CADPS: variants seen among roughly 807,000 people sequenced by gnomAD.
CADPS encodes the protein calcium dependent secretion activator.
A neutral mutation model predicts 167.3 loss-of-function variants in CADPS; 57 were observed. The observed-to-expected ratio is 0.34, with a 90% CI of 0.28 to 0.42. The LOEUF (loss-of-function observed/expected upper bound fraction) is 0.42, where lower values mean the gene tolerates loss of function less well. Ranked by LOEUF, CADPS falls within the 20% of genes least tolerant of loss-of-function variation. CADPS has a pLI of 1.00. For missense variants in CADPS, 1,414 were observed against 1,738.1 expected, an observed-to-expected ratio of 0.81 and a Z score of 3.32; for synonymous variants, 676 against 635.3, an observed-to-expected ratio of 1.06 and a Z score of -0.96.
rs200975775 is a variant in CADPS, at chr3:62,484,062, AT to A, written c.3027-2194del. Among the ~76,000 whole-genome samples the A allele has an allele frequency of 9.5e-3, 1,448 of 152,324 alleles. 17 individuals carry two copies. The highest frequency in any genetic ancestry group is 0.033 in the African/African-American group (1,383 of 41,566). On this transcript the variant is annotated intron_variant, in intron 21 of 29. Coordinates refer to ENST00000383710, the MANE Select transcript of CADPS (RefSeq NM_003716.4). ...CATTTTGCACACAAAAATAAAAAAA[AT>A]ACTTCTATTAATCAAAACATATTGT...
At chr3:62,734,771 A>C (rs922982902) in intron 3 of CADPS, among the ~76,000 whole-genome samples, 2 of 152,184 alleles carry the variant, frequency 1.3e-5, no homozygotes, top group Non-Finnish European at 2.9e-5. Flanking sequence ...ATTCTTGTGC[A>C]TATCTTTTGG....
chr3:62,505,246 C>T (rs900503902), intron 17 of CADPS, among the ~76,000 whole-genome samples: 1 of 152,146 alleles, frequency 6.6e-6, no homozygotes, highest in Non-Finnish European at 1.5e-5. Flanking sequence ...TACTTGATCC[C>T]CTTGATTCTC....
intron 26 of CADPS, among the ~76,000 whole-genome samples, chr3:62,457,015 C>T (rs2058767234): frequency 6.6e-6 from 1 of 152,124 alleles, no homozygotes; most frequent in Non-Finnish European, 1.5e-5. Flanking sequence ...ACTCTAGACA[C>T]TAACTTCCAG....
intron 18 of CADPS, among the ~76,000 whole-genome samples, chr3:62,497,784 C>T (rs2065066464): frequency 6.6e-6 from 1 of 152,164 alleles, no homozygotes. Context: ...CTCCGGTGAG[C>T]TACTGGTTAC....
At chr3:62,518,331 TC>T in intron 13 of CADPS, 81 bp from the exon 14 acceptor site, 1 of 1,054,790 alleles carries the variant, frequency 9.5e-7, no homozygotes, top group Non-Finnish European at 1.4e-6. Flanking sequence ...GAGGAAACTG[TC>T]CATTTTAGAA....
rs1156525821 is a variant in CADPS at position 62,421,827 on chromosome 3, T to G, written c.3777+16277A>C. ...TTTTTTTGGAGTGTGCTATTGTTTGTGCTGGACTGTTAGGCTGCATGTCTC... is the reference window on the plus strand; with the variant it reads ...TTTTTTTGGAGTGTGCTATTGTTTGGGCTGGACTGTTAGGCTGCATGTCTC... On this transcript the variant is annotated intron_variant, in intron 28 of 29. Transcript: ENST00000383710. The surrounding 1 kb of genome is among the most constrained non-coding windows in gnomAD (Gnocchi z 4.7). 1.3e-5 allele frequency among the ~76,000 whole-genome samples: 2 copies of G among 152,198 alleles called. No homozygotes were observed. Among genetic ancestry groups the G allele is most frequent in the Non-Finnish European group, 2.9e-5 (2 of 68,038 alleles).
chr3:62,426,910 A>G (rs2052828120), intron 28 of CADPS, among the ~76,000 whole-genome samples: 1 of 98,724 alleles, frequency 1.0e-5, no homozygotes, highest in Non-Finnish European at 2.1e-5. Flanking sequence ...TACTAAAAAT[A>G]CAAAAAAAAA....
chr3:62,700,306 C>T (rs1408951112), intron 3 of CADPS, among the ~76,000 whole-genome samples: 1 of 152,086 alleles, frequency 6.6e-6, no homozygotes, highest in African/African-American at 2.4e-5. Context: ...TGTAATTCTT[C>T]AGCAGAAGTG....
chr3:62,571,010 G>A, intron 8 of CADPS, 72 bp from the exon 9 acceptor site: 1 of 1,019,308 alleles, frequency 9.8e-7, no homozygotes, highest in South Asian at 1.3e-5. Flanking sequence ...ACTTTGCCGT[G>A]AAGCTTGGTA....
chr3:62,434,372 G>GT (rs375492289), intron 28 of CADPS, among the ~76,000 whole-genome samples: 66 of 152,134 alleles, frequency 4.3e-4, no homozygotes, highest in African/African-American at 1.5e-3. Flanking sequence ...GGATTGGTTA[G>GT]TTTTTTTCTT....
chr3:62,599,070 G>C (rs1358506235), intron 6 of CADPS, among the ~76,000 whole-genome samples: 1 of 152,084 alleles, frequency 6.6e-6, no homozygotes, highest in Non-Finnish European at 1.5e-5. Context: ...CTGTGCAACT[G>C]ATTGTGGCTA....
chr3:62,807,844 G>C (rs746288322), intron 1 of CADPS, among the ~76,000 whole-genome samples: 9 of 151,318 alleles, frequency 5.9e-5, no homozygotes, highest in Non-Finnish European at 1.0e-4. Context: ...CAATTTTTAG[G>C]TACTACCAAC....
chr3:62,684,274 A>T lies in CADPS; in HGVS notation c.889-21880T>A, dbSNP rs143932325. Among the ~76,000 whole-genome samples, 4 of 152,184 alleles carry T rather than the reference A, an allele frequency of 2.6e-5. No homozygotes were observed. The East Asian group carries it at 7.7e-4, about 29-fold the overall frequency. On this transcript the variant is annotated intron_variant, in intron 3 of 29. Transcript: ENST00000383710. The stretch of plus-strand genomic sequence containing the variant: ...CAGTATATTATTTAATTTCTTGCTC[A>T]AATTTGGGCATTGAAAATTCTTTCT...
At chr3:62,714,096 C>T (rs917697668) in intron 3 of CADPS, among the ~76,000 whole-genome samples, 1 of 152,004 alleles carries the variant, frequency 6.6e-6, no homozygotes, top group Non-Finnish European at 1.5e-5. Flanking sequence ...GAGCTGGGAA[C>T]TACAAAACAT....
At chr3:62,835,923 A>G (rs1045146564) in intron 1 of CADPS, among the ~76,000 whole-genome samples, 3 of 152,310 alleles carry the variant, frequency 2.0e-5, no homozygotes, top group South Asian at 2.1e-4. Context: ...TCTAAAGCTA[A>G]TGCAGCTCCC....
chr3:62,702,497 T>A (rs1022661370), intron 3 of CADPS, among the ~76,000 whole-genome samples: 2 of 151,914 alleles, frequency 1.3e-5, no homozygotes, highest in African/African-American at 4.8e-5. Flanking sequence ...AGCAGTATCA[T>A]CAAGGAATAA....
rs940342155 is a variant in CADPS, at chr3:62,627,424, C to G, written c.1325+18298G>C. 2.0e-5 allele frequency among the ~76,000 whole-genome samples: 3 copies of G among 152,036 alleles called. No individual in the cohort carries two copies. In the East Asian group the frequency reaches 5.8e-4, roughly 29 times the overall value. On this transcript the variant is annotated intron_variant, in intron 6 of 29. Transcript: ENST00000383710. ...TATGATTTAAATCCCCATGGGCAAG[C>G]TGTTCTGCCTTCTTTGTTAGAAAGC...
chr3:62,650,961 C>T lies in CADPS; in HGVS notation c.1089G>A (p.Gly363=). The stretch of plus-strand genomic sequence containing the variant: ...GTTTGAGTTTCTGGAGCTTGAACTC[C>T]CCGCCTTTGGATACCGGCATGCTCT... ...NLESMPVSKG[G]EFKLQKLKRS... The change falls in exon 5 of 30, where the codon GGG becomes GGA. Residue 363 remains glycine (G), a synonymous_variant. Coordinates refer to ENST00000383710, the MANE Select transcript of CADPS (RefSeq NM_003716.4). 6.2e-7 allele frequency: 1 copy of T among 1,614,074 alleles called. No individual in the cohort carries two copies. The highest frequency in any genetic ancestry group is 8.5e-7 in the Non-Finnish European group (1 of 1,179,972).
chr3:62,470,787 T>C (rs2060501346), intron 24 of CADPS: 1 of 152,124 alleles, frequency 6.6e-6, no homozygotes, highest in Non-Finnish European at 1.5e-5. Context: ...TAGACTAGGA[T>C]GCATTATTGG....
Sources: gnomAD v4.1 joint callset for allele counts (sites outside exome capture counted in the v4.1 genomes callset) on GRCh38, gnomAD v4.1.1 for gene constraint, Gnocchi (gnomAD v3.1) non-coding constraint, MANE v1.5 for transcripts, NCBI Gene and HGNC (gene_info 2026-07-23, HGNC 2026-07-21) for gene names.